The following REPS2 variants were observed in gnomAD, a reference collection of about 807,000 sequenced individuals.
REPS2 encodes the protein RALBP1 associated Eps domain containing 2.
A neutral mutation model predicts 53.6 loss-of-function variants in REPS2; 23 were observed. That is an observed-to-expected ratio of 0.43 (90% CI 0.31 to 0.61). The LOEUF is 0.61. Ranked by LOEUF, REPS2 falls within the 20% of genes least tolerant of loss-of-function variation. REPS2 has a pLI of 0.11. For synonymous variants in REPS2, 238 were observed against 218.6 expected (o/e 1.09, Z -0.78); for missense variants, 446 against 534.9 (o/e 0.83, Z 1.64).
chrX:17,111,567 G>T (rs12559501), intron 14 of REPS2, among the ~76,000 whole-genome samples: 9,447 of 111,692 alleles, frequency 0.085, 360 homozygotes, highest in East Asian at 0.16. Context: ...GTATTTCAGT[G>T]ATTAAGGAAA....
At chrX:17,053,875 T>TGGA (rs904334049) in intron 7 of REPS2, among the ~76,000 whole-genome samples, 1 of 111,529 alleles carries the variant, frequency 9.0e-6, no homozygotes, top group Non-Finnish European at 1.9e-5. Flanking sequence ...CATTCGAAAT[T>TGGA]GGAGGAGGAG....
intron 1 of REPS2, among the ~76,000 whole-genome samples, chrX:16,990,357 T>G (rs1602609028): frequency 9.0e-6 from 1 of 111,276 alleles, no homozygotes; most frequent in African/African-American, 3.3e-5. Context: ...CGCCTGTAAT[T>G]CCAGCACTTT....
rs867415979 is a variant in REPS2 at position 16,946,902 on chromosome X, C to T, written c.41C>T (p.Ala14Val). 38 of 779,195 alleles carry T rather than the reference C, an allele frequency of 4.9e-5. No homozygotes were observed. The African/African-American group carries it at 6.5e-4, about 13-fold the overall frequency. 64.2% of individuals were successfully genotyped at this position (779,195 alleles called of 1,213,427 possible). ...GCGGCGGCGGCGGCGGCAGCGGCAGCGGCAGCGGCGGGCGGGGGCTGTGGC... is the reference window on the plus strand; with the variant it reads ...GCGGCGGCGGCGGCGGCAGCGGCAGTGGCAGCGGCGGGCGGGGGCTGTGGC... ...AAAAAAAAAA[A>V]AAAGGGCGSG... Residue 14 changes from alanine (A) to valine (V), a missense_variant, in exon 1 of 18, where the codon GCG (alanine) becomes GTG (valine). By Grantham distance (64) the Ala-to-Val change is moderately conservative. Transcript: ENST00000357277.
At chrX:17,006,126 A>T in intron 1 of REPS2, 95 bp from the exon 2 acceptor site, 3 of 1,033,213 alleles carry the variant, frequency 2.9e-6, no homozygotes, top group Non-Finnish European at 4.0e-6. Flanking sequence ...TTGGTTAGCC[A>T]CTAGGTGAAA....
chrX:17,137,093 A>G (rs754618932), intron 16 of REPS2: 4 of 112,026 alleles, frequency 3.6e-5, no homozygotes, highest in Non-Finnish European at 5.6e-5. Flanking sequence ...TAATGCCACT[A>G]TACTGTTTGT....
At chrX:16,963,692 A>C (rs2060694748) in intron 1 of REPS2, among the ~76,000 whole-genome samples, 1 of 112,050 alleles carries the variant, frequency 8.9e-6, no homozygotes, top group Non-Finnish European at 1.9e-5. Flanking sequence ...CGACTTCTCT[A>C]TTCTTTCTGT....
At chrX:17,006,135 AATCCTTGATATTTC>A in intron 1 of REPS2, 72 bp from the exon 2 acceptor site, 1 of 1,093,406 alleles carries the variant, frequency 9.1e-7, no homozygotes, top group Non-Finnish European at 1.2e-6. Context: ...CACTAGGTGA[AATCCTTGATATTTC>A]ATCATGTACC....
chrX:17,118,320 G>A (rs2063092419), intron 14 of REPS2, among the ~76,000 whole-genome samples: 1 of 110,871 alleles, frequency 9.0e-6, no homozygotes, highest in South Asian at 3.9e-4. Context: ...GGAACTCTCA[G>A]CTGCCTCTGT....
At chrX:17,047,007 T>C (rs1225375864) in intron 5 of REPS2, among the ~76,000 whole-genome samples, 1 of 112,665 alleles carries the variant, frequency 8.9e-6, no homozygotes, top group African/African-American at 3.2e-5. Flanking sequence ...TCCACTCAGC[T>C]AATCTGAAAG....
Position 17,052,050 on chromosome X carries a change from T to G in REPS2, c.908-332T>G, listed in dbSNP as rs1025528440. On this transcript the variant is annotated intron_variant, in intron 6 of 17. Transcript: ENST00000357277. ...AATTTCTATTTGAAATCTGCCAAAT[T>G]TGTTCAAAGTTTTGAACTTCGTCTT... 1.1e-4 allele frequency among the ~76,000 whole-genome samples: 12 copies of G among 112,448 alleles called. 1 individual carries two copies. The highest frequency in any genetic ancestry group is 2.1e-4 in the Non-Finnish European group (11 of 53,309).
At chrX:17,095,565 G>T (rs1455900009) in intron 13 of REPS2, among the ~76,000 whole-genome samples, 2 of 106,981 alleles carry the variant, frequency 1.9e-5, no homozygotes, top group Non-Finnish European at 3.8e-5. Context: ...TAATCCTATA[G>T]ATTTTAAGAT....
chrX:17,098,607 G>GTT (rs1285689330), intron 13 of REPS2, among the ~76,000 whole-genome samples: 2 of 44,430 alleles, frequency 4.5e-5, no homozygotes, highest in South Asian at 1.3e-3. Context: ...TTAAAAAATG[G>GTT]TTTTGTGTGT....
intron 1 of REPS2, among the ~76,000 whole-genome samples, chrX:17,000,752 A>G (rs2061296946): frequency 8.9e-6 from 1 of 112,212 alleles, no homozygotes; most frequent in African/African-American, 3.2e-5. Context: ...AGGTCTACTC[A>G]TAAGAAGAAC....
At chrX:17,096,280 C>T (rs1041692798) in intron 13 of REPS2, among the ~76,000 whole-genome samples, 7 of 111,440 alleles carry the variant, frequency 6.3e-5, no homozygotes, top group African/African-American at 2.3e-4. Context: ...GGTTGCTAAG[C>T]ACACTAGGAA....
At chrX:17,135,453 G>C (rs1230383630) in intron 16 of REPS2, 47 bp downstream of exon 16, 2 of 1,146,245 alleles carry the variant, frequency 1.7e-6, no homozygotes, top group African/African-American at 3.6e-5. Flanking sequence ...CTCGCTCTGA[G>C]ATGTCGACGG....
rs1240531651 is a variant in REPS2 at position 17,103,787 on chromosome X, A to G, written c.1578+8A>G. On this transcript the variant is annotated splice_region_variant and intron_variant, in intron 14 of 17. Coordinates refer to ENST00000357277, the MANE Select transcript of REPS2 (RefSeq NM_004726.3). ...AGACCTTGTCCATCACAGGTAGGAGACATATTTGATTTATGTAAACTGTTC... is the reference window on the plus strand; with the variant it reads ...AGACCTTGTCCATCACAGGTAGGAGGCATATTTGATTTATGTAAACTGTTC... 8.3e-7 allele frequency: 1 copy of G among 1,202,144 alleles called. No individual in the cohort carries two copies. The highest frequency in any genetic ancestry group is 1.1e-6 in the Non-Finnish European group (1 of 888,851).
intron 1 of REPS2, among the ~76,000 whole-genome samples, chrX:16,987,837 C>T (rs1392241887): frequency 2.7e-5 from 3 of 112,495 alleles, no homozygotes; most frequent in Admixed American, 9.4e-5. Flanking sequence ...TTTATTTTCC[C>T]TTTATTTCTT....
In REPS2 at chrX:16,969,009, C is replaced by T. The variant is rs1162726188; in HGVS notation, c.273+21875C>T. ...GCTGAGGGGCTCCTCACTTTTCAGA[C>T]GGGGCGGTTGCCAGGCAGAGGGTCT... On this transcript the variant is annotated intron_variant, in intron 1 of 17. Coordinates refer to ENST00000357277, the MANE Select transcript of REPS2 (RefSeq NM_004726.3). Among the ~76,000 whole-genome samples, 21 of 108,500 alleles carry T rather than the reference C, an allele frequency of 1.9e-4. No homozygotes were observed. The East Asian group carries it at 3.3e-3, about 17-fold the overall frequency. 94.2% of individuals were successfully genotyped at this position (108,500 alleles called of 115,157 possible). A position where few individuals can be genotyped will look rare whatever the true frequency, so the allele number is the denominator to read the frequency against.
intron 13 of REPS2, among the ~76,000 whole-genome samples, chrX:17,093,166 C>CTATATATAGATATATATATA (rs2062641673): frequency 2.6e-5 from 1 of 39,122 alleles, no homozygotes; most frequent in Non-Finnish European, 4.7e-5. Flanking sequence ...TGAGTTAATG[C>CTATATATAGATATATATATA]TATATATATA....
Sources: allele counts gnomAD v4.1 joint callset (sites outside exome capture counted in the v4.1 genomes callset), GRCh38; gene constraint gnomAD v4.1.1; transcripts MANE v1.5; gene names NCBI Gene and HGNC (gene_info 2026-07-23, HGNC 2026-07-21).